RELN: variants seen among roughly 807,000 people sequenced by gnomAD.
RELN encodes reelin.
RELN carries 108 observed loss-of-function variants against 427.6 expected under a neutral mutation model. The observed-to-expected ratio is 0.25, with a 90% CI of 0.22 to 0.30. The LOEUF (loss-of-function observed/expected upper bound fraction) is 0.30, where lower values mean the gene tolerates loss of function less well. Among genes scored for constraint, RELN ranks in the 10% least tolerant of loss-of-function variants. The probability of loss-of-function intolerance (pLI) is 1.00; values close to 1 mark genes in which losing one functional copy is unlikely to be tolerated. For missense variants in RELN, 3,715 were observed against 4,302.8 expected (o/e 0.86, Z 3.82); for synonymous variants, 1,524 against 1,513.4 (o/e 1.01, Z -0.16).
chr7:103,736,663 T>G (rs1790500594), intron 6 of RELN, among the ~76,000 whole-genome samples: 1 of 152,214 alleles, frequency 6.6e-6, no homozygotes, highest in South Asian at 2.1e-4. Flanking sequence ...CACACAATAT[T>G]CTGACCTCCT....
intron 2 of RELN, among the ~76,000 whole-genome samples, chr7:103,884,497 C>A (rs559813645): frequency 6.6e-6 from 1 of 152,242 alleles, no homozygotes; most frequent in Non-Finnish European, 1.5e-5. Context: ...GAACAGGCAA[C>A]CTACAGAATG....
chr7:103,755,762 C>A (rs1273669310), intron 4 of RELN, among the ~76,000 whole-genome samples: 1 of 143,816 alleles, frequency 7.0e-6, no homozygotes. Flanking sequence ...TTGCAGTGAG[C>A]TGATCGCACA....
intron 2 of RELN, among the ~76,000 whole-genome samples, chr7:103,905,313 A>G (rs982736127): frequency 2.0e-5 from 3 of 151,964 alleles, no homozygotes; most frequent in African/African-American, 7.2e-5. Context: ...ATACTTAATC[A>G]CTGTCCTACC....
At chr7:103,962,310 C>T (rs956671029) in intron 1 of RELN, among the ~76,000 whole-genome samples, 3 of 152,146 alleles carry the variant, frequency 2.0e-5, no homozygotes, top group African/African-American at 7.2e-5. Flanking sequence ...ACATTCCTCT[C>T]AACCCCATAC....
In RELN at chr7:103,858,606, TG is replaced by T. The variant is rs568147177; in HGVS notation, c.338-24935del. Among the ~76,000 whole-genome samples the T allele has an allele frequency of 3.6e-3, 548 of 152,284 alleles. 4 individuals are homozygous for T. Among genetic ancestry groups the T allele is most frequent in the Middle Eastern group, 0.017 (5 of 294 alleles). ...AATCCTAAACATCATTAAAACAATA[TG>T]GCATATAATACTTAGCTTATTTACA... is the stretch of plus-strand genomic sequence containing the variant. On this transcript the variant is annotated intron_variant, in intron 2 of 64. Transcript: ENST00000428762.
chr7:103,949,128 C>T (rs1374469840), intron 1 of RELN, among the ~76,000 whole-genome samples: 1 of 150,818 alleles, frequency 6.6e-6, no homozygotes, highest in African/African-American at 2.4e-5. Context: ...TGTATACACA[C>T]ACACATTGCA....
rs567012343 is a variant in RELN at position 103,677,442 on chromosome 7, A to C, written c.1289+4674T>G. ...AATAATAATAATAATAATAATAATA[A>C]TAATAATAATAAAAAGAACAACAAC... On this transcript the variant is annotated intron_variant, in intron 11 of 64. Coordinates refer to ENST00000428762, the MANE Select transcript of RELN (RefSeq NM_005045.4). 2.0e-3 allele frequency among the ~76,000 whole-genome samples: 281 copies of C among 144,022 alleles called. 1 individual carries two copies. Among genetic ancestry groups the C allele is most frequent in the African/African-American group, 7.0e-3 (273 of 39,178 alleles). 94.5% of individuals were successfully genotyped at this position (144,022 alleles called of 152,430 possible). A position where few individuals can be genotyped will look rare whatever the true frequency, so the allele number is the denominator to read the frequency against.
chr7:103,491,683 G>A (rs1268636990), intron 58 of RELN, among the ~76,000 whole-genome samples: 1 of 151,972 alleles, frequency 6.6e-6, no homozygotes, highest in Non-Finnish European at 1.5e-5. Flanking sequence ...TACAAAATAA[G>A]CTGGGCGTGG....
intron 22 of RELN, among the ~76,000 whole-genome samples, chr7:103,608,182 G>A (rs1831863990): frequency 6.6e-6 from 1 of 152,106 alleles, no homozygotes; most frequent in African/African-American, 2.4e-5. Flanking sequence ...CCTGCTATTT[G>A]CAAAGGTTTA....
intron 2 of RELN, among the ~76,000 whole-genome samples, chr7:103,859,245 A>G (rs1794016576): frequency 6.6e-6 from 1 of 152,192 alleles, no homozygotes; most frequent in African/African-American, 2.4e-5. Flanking sequence ...CAGTGTCACC[A>G]TGATAACACC....
intron 2 of RELN, among the ~76,000 whole-genome samples, chr7:103,838,392 A>G (rs550295921): frequency 6.6e-6 from 1 of 152,266 alleles, no homozygotes; most frequent in East Asian, 1.9e-4. Context: ...TAACTGGTCT[A>G]AAATATAGAA....
At chr7:103,773,150 TTCTTTCTTTC>T (rs1563004350) in intron 4 of RELN, among the ~76,000 whole-genome samples, 1 of 139,848 alleles carries the variant, frequency 7.2e-6, no homozygotes, top group Non-Finnish European at 1.6e-5. Context: ...CTTTCTTTCT[TTCTTTCTTTC>T]TTTCTTTTTC....
At chr7:103,644,152 G>A (rs1287973106) in intron 16 of RELN, among the ~76,000 whole-genome samples, 1 of 151,688 alleles carries the variant, frequency 6.6e-6, no homozygotes, top group Non-Finnish European at 1.5e-5. Context: ...AAAATAATGA[G>A]ATAGTTTCTT....
chr7:103,663,594 A>G (rs1435212135), intron 11 of RELN, among the ~76,000 whole-genome samples: 5 of 152,150 alleles, frequency 3.3e-5, no homozygotes. Context: ...AGGTCTGACC[A>G]CCACTTCCAC....
chr7:103,567,232 A>G (rs1830774116), intron 31 of RELN, among the ~76,000 whole-genome samples: 3 of 152,234 alleles, frequency 2.0e-5, no homozygotes, highest in Admixed American at 1.3e-4. Flanking sequence ...TTTTACTTGC[A>G]CTTCGCACTT....
intron 1 of RELN, among the ~76,000 whole-genome samples, chr7:103,981,211 T>C (rs886806303): frequency 5.1e-4 from 78 of 152,348 alleles, no homozygotes; most frequent in African/African-American, 1.9e-3. Flanking sequence ...CTAGATGTTT[T>C]AAATGTCAAC....
At chr7:103,659,356 A>G (rs1833089522) in intron 12 of RELN, among the ~76,000 whole-genome samples, 5 of 152,094 alleles carry the variant, frequency 3.3e-5, no homozygotes, top group Admixed American at 3.3e-4. Context: ...GCTCCACACT[A>G]CCTAGAGAAA....
chr7:103,522,444 C>T (rs1829731367), intron 47 of RELN, among the ~76,000 whole-genome samples: 1 of 152,144 alleles, frequency 6.6e-6, no homozygotes, highest in Non-Finnish European at 1.5e-5. Context: ...GAGAAAGAAG[C>T]AACTTCAAAG....
chr7:103,956,901 A>T (rs1404107599), intron 1 of RELN, among the ~76,000 whole-genome samples: 1 of 152,188 alleles, frequency 6.6e-6, no homozygotes, highest in Non-Finnish European at 1.5e-5. Context: ...GAAAAAAGCA[A>T]GCAGGGGATG....
Sources: gnomAD v4.1 joint callset for allele counts (sites outside exome capture counted in the v4.1 genomes callset) on GRCh38, gnomAD v4.1.1 for gene constraint, MANE v1.5 for transcripts, NCBI Gene and HGNC (gene_info 2026-07-23, HGNC 2026-07-21) for gene names.